OR51B5: variants seen among roughly 807,000 people sequenced by gnomAD.
OR51B5 encodes the protein olfactory receptor 51B5.
For synonymous variants in OR51B5, 186 were observed against 144.8 expected, an observed-to-expected ratio of 1.28 and a Z score of -2.04; for missense variants, 456 against 374.6, an observed-to-expected ratio of 1.22 and a Z score of -1.79.
intron 1 of OR51B5, among the ~76,000 whole-genome samples, chr11:5,459,509 A>AT (rs1335586291): frequency 2.0e-5 from 3 of 152,158 alleles, no homozygotes; most frequent in Non-Finnish European, 4.4e-5. Context: ...CTTTGCAGAT[A>AT]TTTTCTTCTG....
intron 1 of OR51B5, among the ~76,000 whole-genome samples, chr11:5,427,886 T>C (rs1055394086): frequency 6.6e-6 from 1 of 152,196 alleles, no homozygotes; most frequent in Non-Finnish European, 1.5e-5. Context: ...ATATGGTGAA[T>C]ATTAAAATAG....
At chr11:5,440,008 A>C (rs1850652377) in intron 1 of OR51B5, among the ~76,000 whole-genome samples, 1 of 152,192 alleles carries the variant, frequency 6.6e-6, no homozygotes, top group African/African-American at 2.4e-5. Flanking sequence ...TGCCAAAATC[A>C]GTACCCTTCT....
At chr11:5,413,554 A>G (rs542883992) in intron 1 of OR51B5, among the ~76,000 whole-genome samples, 168 of 152,242 alleles carry the variant, frequency 1.1e-3, no homozygotes, top group African/African-American at 3.9e-3. Flanking sequence ...AGATGAATGT[A>G]TAACTAGAAT....
chr11:5,484,814 G>A (rs1851477209), intron 1 of OR51B5, among the ~76,000 whole-genome samples: 1 of 152,130 alleles, frequency 6.6e-6, no homozygotes, highest in African/African-American at 2.4e-5. Context: ...CTTGCCTCTG[G>A]CTAAATAAAC....
intron 1 of OR51B5, among the ~76,000 whole-genome samples, chr11:5,475,614 G>T (rs975438819): frequency 6.6e-6 from 1 of 152,088 alleles, no homozygotes; most frequent in Non-Finnish European, 1.5e-5. Flanking sequence ...CTAACATCTT[G>T]CAGAGTTATG....
In OR51B5 at chr11:5,489,883, T is replaced by C. The variant is rs183879983; in HGVS notation, n.84+15686A>G. The C allele has an allele frequency of 2.5e-5, 13 of 514,984 alleles. No homozygotes were observed. In the East Asian group the frequency reaches 3.6e-4, roughly 14 times the overall value. 31.9% of individuals were successfully genotyped at this position (514,984 alleles called of 1,614,324 possible). ...AACTCTGAATACCCCAGAAAGGTGATAATATTCTCACACTTGTCTTAAAAG... is the reference window on the plus strand; with the variant it reads ...AACTCTGAATACCCCAGAAAGGTGACAATATTCTCACACTTGTCTTAAAAG... On this transcript the variant is annotated intron_variant and non_coding_transcript_variant, in intron 1 of 4. Transcript: ENST00000415970.
chr11:5,341,561 T>A (rs1236530371), downstream of OR51B5, among the ~76,000 whole-genome samples: 1 of 152,184 alleles, frequency 6.6e-6, no homozygotes, highest in Admixed American at 6.5e-5. Flanking sequence ...TATTTTAAAT[T>A]GAGTTATGGG....
chr11:5,406,900 G>A (rs556937503), intron 1 of OR51B5, among the ~76,000 whole-genome samples: 2 of 152,164 alleles, frequency 1.3e-5, no homozygotes, highest in East Asian at 1.9e-4. Context: ...AGTACAAGGA[G>A]ACAACTGTCA....
At chr11:5,423,280 C>T in intron 1 of OR51B5, 1 of 1,267,098 alleles carries the variant, frequency 7.9e-7, no homozygotes. Flanking sequence ...AAGTCCCTGG[C>T]TTTTAGCATG....
intron 1 of OR51B5, among the ~76,000 whole-genome samples, chr11:5,433,430 T>C (rs749908969): frequency 2.0e-5 from 3 of 152,212 alleles, no homozygotes; most frequent in Admixed American, 6.5e-5. Context: ...CAATCACCAG[T>C]TCACACATTC....
chr11:5,376,688 G>T (rs541282455), intron 1 of OR51B5, among the ~76,000 whole-genome samples: 1 of 151,922 alleles, frequency 6.6e-6, no homozygotes, highest in Admixed American at 6.6e-5. Flanking sequence ...ACACCTCTAC[G>T]CAAATAAACT....
chr11:5,362,732 G>T, intron 1 of OR51B5: 1 of 223,836 alleles, frequency 4.5e-6, no homozygotes. Context: ...CTTTGTTTAC[G>T]AGGTCACCTC....
chr11:5,368,357 T>C (rs920459305), intron 1 of OR51B5, among the ~76,000 whole-genome samples: 2 of 152,202 alleles, frequency 1.3e-5, no homozygotes, highest in Non-Finnish European at 2.9e-5. Context: ...TAAGTGGGGA[T>C]ACCAATAGTA....
intron 1 of OR51B5, among the ~76,000 whole-genome samples, chr11:5,377,766 A>G (rs1323067772): frequency 6.9e-6 from 1 of 144,434 alleles, no homozygotes; most frequent in Non-Finnish European, 1.5e-5. Flanking sequence ...GATGTGAAGG[A>G]CCTCTTCAAG....
chr11:5,479,639 T>G (rs528389894), intron 1 of OR51B5, among the ~76,000 whole-genome samples: 6 of 152,020 alleles, frequency 3.9e-5, no homozygotes. Flanking sequence ...GAGACACACG[T>G]AGGCTCAAAA....
At chr11:5,346,746 G>T (rs7929631), upstream of OR51B5, 71,566 of 151,766 alleles carry the variant, frequency 0.47, 18,299 homozygotes, top group African/African-American at 0.67. Context: ...CTTCTTCTCC[G>T]TATCTTTCTC....
intron 1 of OR51B5, among the ~76,000 whole-genome samples, chr11:5,445,705 A>G (rs1850750065): frequency 6.6e-6 from 1 of 151,366 alleles, no homozygotes; most frequent in Non-Finnish European, 1.5e-5. Context: ...ATCAAAACTT[A>G]TCTAGTGTGC....
At chr11:5,380,214 T>C (rs1054769566) in intron 1 of OR51B5, among the ~76,000 whole-genome samples, 2 of 152,168 alleles carry the variant, frequency 1.3e-5, no homozygotes, top group Non-Finnish European at 2.9e-5. Flanking sequence ...AAAGAGTTGC[T>C]GTGGGAAGAT....
chr11:5,379,709 T>C (rs1849581470), intron 1 of OR51B5, among the ~76,000 whole-genome samples: 1 of 151,384 alleles, frequency 6.6e-6, no homozygotes, highest in Non-Finnish European at 1.5e-5. Context: ...GTCCAGATGT[T>C]GAAACATTCA....
Sources: allele counts gnomAD v4.1 joint callset (sites outside exome capture counted in the v4.1 genomes callset), GRCh38; gene constraint gnomAD v4.1.1; transcripts MANE v1.5; gene names NCBI Gene and HGNC (gene_info 2026-07-23, HGNC 2026-07-21).